Variants in CPLANE1 observed in about 807,000 individuals in gnomAD.
The protein encoded by CPLANE1 is ciliogenesis and planar polarity effector complex subunit 1, also known as ciliogenesis and planar polarity effector 1.
A neutral mutation model predicts 362.5 loss-of-function variants in CPLANE1; 263 were observed. That is an observed-to-expected ratio of 0.73 (90% confidence interval 0.66 to 0.80). The LOEUF is 0.80. Ranked by LOEUF, CPLANE1 falls within the 30% of genes least tolerant of loss-of-function variation. The probability of loss-of-function intolerance (pLI) is 0.00; values close to 1 mark genes in which losing one functional copy is unlikely to be tolerated. For synonymous variants in CPLANE1, 1,212 were observed against 1,302.6 expected (o/e 0.93, Z 1.50); for missense variants, 3,461 against 3,793.4 (o/e 0.91, Z 2.30).
At chr5:37,182,673 AT>A in intron 26 of CPLANE1, 86 bp downstream of exon 26, 1 of 832,736 alleles carries the variant, frequency 1.2e-6, no homozygotes, top group South Asian at 1.9e-5. Context: ...TTATTTAATG[AT>A]TCTTTAAAAG....
intron 16 of CPLANE1, chr5:37,211,276 T>G (rs1384092041): frequency 7.9e-6 from 12 of 1,519,910 alleles, no homozygotes; most frequent in Non-Finnish European, 1.1e-5. Context: ...GTCAAACAGC[T>G]TCAGCAAGAG....
rs1418530039 is a variant in CPLANE1, at chr5:37,226,908, C to G, written c.1687G>C (p.Asp563His). 3 of 1,551,716 alleles carry G rather than the reference C, an allele frequency of 1.9e-6. No homozygotes were observed. Among genetic ancestry groups the G allele is most frequent in the South Asian group, 1.2e-5 (1 of 84,056 alleles). Residue 563 changes from aspartate (D) to histidine (H), a missense_variant, in exon 12 of 53, where the codon GAT becomes CAT. Around this residue, in one of 2 missense-constraint regions of CPLANE1, gnomAD observed 3,380 missense variants for 3,666.1 expected, o/e 0.92. Coordinates refer to ENST00000651892, the MANE Select transcript of CPLANE1 (RefSeq NM_001384732.1). ...GAATGCAGTTCTGTAATGGTTCTAT[C>G]TGTCTCCTCACTATCATCCTTTGCA... is the stretch of plus-strand genomic sequence containing the variant. ...IHAKDDSEET[D>H]RTITELHSIQ...
chr5:37,184,762 C>T, intron 25 of CPLANE1, 26 bp downstream of exon 25: 1 of 1,576,806 alleles, frequency 6.3e-7, no homozygotes, highest in Non-Finnish European at 8.6e-7. Context: ...AAGTGAATGC[C>T]AGTGATTAAA....
chr5:37,085,313 G>T, the CPLANE1 span: 1 of 1,173,452 alleles, frequency 8.5e-7, no homozygotes, highest in Non-Finnish European at 1.3e-6. Flanking sequence ...CTGGATTCAT[G>T]GATGTCATCA....
intron 8 of CPLANE1, among the ~76,000 whole-genome samples, chr5:37,234,507 A>G (rs1438695384): frequency 6.6e-6 from 1 of 151,686 alleles, no homozygotes; most frequent in Non-Finnish European, 1.5e-5. Flanking sequence ...AAAATAAGAA[A>G]AAAAAAAAAA....
At chr5:37,217,402 T>TA (rs1342968902) in intron 15 of CPLANE1, among the ~76,000 whole-genome samples, 1 of 151,748 alleles carries the variant, frequency 6.6e-6, no homozygotes, top group Non-Finnish European at 1.5e-5. Context: ...GGTCAGGAGT[T>TA]AGAGACCAGC....
At chr5:37,225,646 G>T (rs1419494046) in intron 12 of CPLANE1, among the ~76,000 whole-genome samples, 1 of 152,048 alleles carries the variant, frequency 6.6e-6, no homozygotes, top group African/African-American at 2.4e-5. Context: ...GAGGTCAGGA[G>T]TTCTAGATCA....
chr5:37,159,714 GA>G (rs553228165), intron 38 of CPLANE1, among the ~76,000 whole-genome samples: 1 of 151,564 alleles, frequency 6.6e-6, no homozygotes, highest in Non-Finnish European at 1.5e-5. Flanking sequence ...CTTAAAACTA[GA>G]AAAAAAAGGA....
chr5:37,151,710 C>T (rs749558546), intron 42 of CPLANE1, among the ~76,000 whole-genome samples: 4 of 152,142 alleles, frequency 2.6e-5, no homozygotes, highest in Non-Finnish European at 5.9e-5. Flanking sequence ...TGCTTTGATG[C>T]TGTACATTTA....
chr5:37,187,861 T>C lies in CPLANE1; in HGVS notation c.3812-19A>G. The C allele has an allele frequency of 6.4e-7, 1 of 1,573,804 alleles. No homozygotes were observed. The highest frequency in any genetic ancestry group is 8.7e-7 in the Non-Finnish European group (1 of 1,147,854). ...AAGCAACCTAAAGCAGGAACACAAA[T>C]ATGAAAGAAAATCACATGAGTATGT... On this transcript the variant is annotated intron_variant, in intron 21 of 52. Transcript: ENST00000651892.
At chr5:37,160,712 C>T (rs1776623390) in intron 38 of CPLANE1, among the ~76,000 whole-genome samples, 1 of 148,834 alleles carries the variant, frequency 6.7e-6, no homozygotes, top group Admixed American at 6.7e-5. Flanking sequence ...TGCTCTGTCG[C>T]CCAGGCTGGA....
intron 38 of CPLANE1, among the ~76,000 whole-genome samples, chr5:37,159,094 CTTTTTTTTTTTT>C (rs34035923): frequency 3.3e-5 from 2 of 59,760 alleles, no homozygotes; most frequent in East Asian, 1.1e-3. Context: ...AATTCACATT[CTTTTTTTTTTTT>C]TTTTTTTTTT....
chr5:37,186,369 A>T lies in CPLANE1; in HGVS notation c.4106T>A (p.Phe1369Tyr). The T allele has an allele frequency of 6.3e-7, 1 of 1,597,436 alleles. No individual in the cohort carries two copies. The highest frequency in any genetic ancestry group is 8.6e-7 in the Non-Finnish European group (1 of 1,166,758). Reference sequence around the variant, plus strand: ...AACCCTCACGTCCTCAGGATAGGGAAATGCTTTCACGAAAATTTCTGCTAC... The same window carrying T: ...AACCCTCACGTCCTCAGGATAGGGATATGCTTTCACGAAAATTTCTGCTAC... ...RKVAEIFVKA[F>Y]PYPEDVRVPL... is the part of the protein sequence containing the mutation. Residue 1369 changes from phenylalanine to tyrosine, a missense_variant, in exon 24 of 53, where the codon TTT (phenylalanine) becomes TAT (tyrosine). By Grantham distance (22) the Phe-to-Tyr change is conservative. Coordinates refer to ENST00000651892, the MANE Select transcript of CPLANE1 (RefSeq NM_001384732.1).
rs1800931831 is a variant in CPLANE1, at chr5:37,243,092, A to G, written c.598T>C (p.Phe200Leu). 1 of 1,546,870 alleles carries G rather than the reference A, an allele frequency of 6.5e-7. No individual in the cohort carries two copies. Among genetic ancestry groups the G allele is most frequent in the Non-Finnish European group, 8.7e-7 (1 of 1,144,784 alleles). ...AGGCATTCCCCAGAATAAAAAGTAA[A>G]TGAACACAGGCAGCAGTCTCCAAAT... ...ELFGDCCLCS[F>L]TFYSGECLKL... The change falls in exon 6 of 53, where the codon TTT becomes CTT. Residue 200 changes from phenylalanine to leucine, a missense_variant. Phe to Leu is a conservative substitution (Grantham distance 22, BLOSUM62 0). Coordinates refer to ENST00000651892, the MANE Select transcript of CPLANE1 (RefSeq NM_001384732.1).
intron 47 of CPLANE1, among the ~76,000 whole-genome samples, chr5:37,124,243 T>C (rs1474355975): frequency 6.6e-6 from 1 of 152,224 alleles, no homozygotes; most frequent in African/African-American, 2.4e-5. Context: ...TTGTATTTTA[T>C]TTCAGATTAC....
chr5:37,220,126 C>T (rs979498967), intron 15 of CPLANE1, among the ~76,000 whole-genome samples: 3 of 152,144 alleles, frequency 2.0e-5, no homozygotes, highest in Non-Finnish European at 4.4e-5. Flanking sequence ...GTGGCACACA[C>T]CTGTAGTCCC....
chr5:37,169,010 T>A lies in CPLANE1; in HGVS notation c.7014A>T (p.Pro2338=). The change falls in exon 34 of 53, where the codon CCA becomes CCT. Residue 2338 remains proline (P), a synonymous_variant. Coordinates refer to ENST00000651892, the MANE Select transcript of CPLANE1 (RefSeq NM_001384732.1). ...PQQDSSVFIK[P]EKLFDVKPGT... ...CTGGCTTAACATCAAATAGTTTTTC[T>A]GGTTTTATAAACACTGAAGAGTCCT... 1 of 1,614,156 alleles carries A rather than the reference T, an allele frequency of 6.2e-7. No homozygotes were observed. Among genetic ancestry groups the A allele is most frequent in the East Asian group, 2.2e-5 (1 of 44,884 alleles).
intron 37 of CPLANE1, among the ~76,000 whole-genome samples, chr5:37,163,007 A>C (rs1340023984): frequency 3.3e-5 from 5 of 152,218 alleles, no homozygotes; most frequent in African/African-American, 1.2e-4. Flanking sequence ...ATGAAGTGTT[A>C]TGTAAGTTGA....
Position 37,164,329 on chromosome 5 carries a change from TA to T in CPLANE1, c.7534-3del. The T allele has an allele frequency of 6.2e-7, 1 of 1,612,080 alleles. No homozygotes were observed. The highest frequency in any genetic ancestry group is 8.5e-7 in the Non-Finnish European group (1 of 1,178,230). On this transcript the variant is annotated splice_polypyrimidine_tract_variant and splice_region_variant and intron_variant, in intron 36 of 52. Transcript: ENST00000651892. ...GGAACCACAATGTTCTTGTTGTTCCTAAATGAATTCCCACAGGATTACTCTA... is the reference window on the plus strand; with the variant it reads ...GGAACCACAATGTTCTTGTTGTTCCTAATGAATTCCCACAGGATTACTCTA...
Sources: allele counts gnomAD v4.1 joint callset (sites outside exome capture counted in the v4.1 genomes callset), GRCh38; gene constraint gnomAD v4.1.1; regional missense constraint gnomAD v4.1.1; transcripts MANE v1.5; gene names NCBI Gene and HGNC (gene_info 2026-07-23, HGNC 2026-07-21).